EMB: variants seen among roughly 807,000 people sequenced by gnomAD.
EMB encodes embigin.
Under a neutral mutation model 41.4 loss-of-function variants are expected in EMB, and 31 were observed. The observed-to-expected ratio is 0.75, with a 90% CI of 0.56 to 1.01. The LOEUF is 1.01. EMB is among the 50% of genes least tolerant of loss of function. The probability of loss-of-function intolerance (pLI) is 0.00; values close to 1 mark genes in which losing one functional copy is unlikely to be tolerated. For synonymous variants in EMB, 137 were observed against 140.4 expected, an observed-to-expected ratio of 0.98 and a Z score of 0.17; for missense variants, 379 against 388.3, an observed-to-expected ratio of 0.98 and a Z score of 0.20.
Position 50,437,930 on chromosome 5 carries a change from T to C in EMB, c.112+3110A>G, listed in dbSNP as rs187022469. Among the ~76,000 whole-genome samples the C allele has an allele frequency of 6.1e-4, 93 of 152,332 alleles. 1 individual carries two copies. Among genetic ancestry groups the C allele is most frequent in the Admixed American group, 7.8e-4 (12 of 15,304 alleles). Reference sequence around the variant, plus strand: ...TGATATTTAAATACTCCCACTGATATATCCTTTACAAAGATATATTATATG... The same window carrying C: ...TGATATTTAAATACTCCCACTGATACATCCTTTACAAAGATATATTATATG... On this transcript the variant is annotated intron_variant, in intron 1 of 8. Coordinates refer to ENST00000303221, the MANE Select transcript of EMB (RefSeq NM_198449.3).
rs535607215 is a variant in EMB, at chr5:50,418,929, T to C, written c.197-7546A>G. On this transcript the variant is annotated intron_variant, in intron 2 of 8. Transcript: ENST00000303221. ...ATCAAGATTTACACTAGATACTTCA[T>C]CTATGCACTCCTTCCATTTTATTAA... is the stretch of plus-strand genomic sequence containing the variant. 1.7e-3 allele frequency among the ~76,000 whole-genome samples: 266 copies of C among 152,370 alleles called. 1 individual carries two copies. The highest frequency in any genetic ancestry group is 6.2e-3 in the African/African-American group (256 of 41,592).
At chr5:50,440,201 C>T (rs1399220134) in intron 1 of EMB, among the ~76,000 whole-genome samples, 1 of 152,022 alleles carries the variant, frequency 6.6e-6, no homozygotes, top group African/African-American at 2.4e-5. Flanking sequence ...CTTTGGTTGG[C>T]TAGTTGGTTA....
chr5:50,437,398 A>G (rs1358605579), intron 1 of EMB, among the ~76,000 whole-genome samples: 1 of 152,162 alleles, frequency 6.6e-6, no homozygotes, highest in African/African-American at 2.4e-5. Context: ...TCTCCACCAT[A>G]AAGTTACTCT....
At chr5:50,423,004 C>G (rs1184864799) in intron 2 of EMB, among the ~76,000 whole-genome samples, 1 of 151,358 alleles carries the variant, frequency 6.6e-6, no homozygotes, top group Non-Finnish European at 1.5e-5. Context: ...GTATCCCTTG[C>G]TACATGGTTT....
At chr5:50,428,574 G>T (rs915023514) in intron 1 of EMB, 22 of 993,416 alleles carry the variant, frequency 2.2e-5, no homozygotes, top group Middle Eastern at 5.1e-4. Flanking sequence ...CCAGAAAATG[G>T]AAAGATATGA....
upstream of EMB, among the ~76,000 whole-genome samples, chr5:50,441,946 T>A (rs1745922117): frequency 6.6e-6 from 1 of 152,180 alleles, no homozygotes; most frequent in African/African-American, 2.4e-5. Flanking sequence ...ATCCGAACAC[T>A]CTTTAAGATA....
At chr5:50,405,131 T>A (rs1215266458) in intron 5 of EMB, among the ~76,000 whole-genome samples, 1 of 151,978 alleles carries the variant, frequency 6.6e-6, no homozygotes, top group African/African-American at 2.4e-5. Context: ...ATACTCATGT[T>A]TTTCTTAATA....
At chr5:50,415,958 ATAACT>A (rs1270140793) in intron 2 of EMB, among the ~76,000 whole-genome samples, 5 of 152,264 alleles carry the variant, frequency 3.3e-5, no homozygotes, top group African/African-American at 1.2e-4. Flanking sequence ...ATAGTTTTAC[ATAACT>A]TAAAGTGCAA....
intron 2 of EMB, 83 bp from the exon 3 acceptor site, chr5:50,411,466 G>C: frequency 1.2e-6 from 1 of 867,244 alleles, no homozygotes; most frequent in Non-Finnish European, 1.7e-6. Context: ...ATTAACAGCA[G>C]TGTTTCATTG....
At chr5:50,437,035 C>G (rs965123989) in intron 1 of EMB, among the ~76,000 whole-genome samples, 2 of 152,200 alleles carry the variant, frequency 1.3e-5, no homozygotes, top group African/African-American at 4.8e-5. Context: ...CTTTGGGAGG[C>G]TGAGGCAGGA....
chr5:50,419,603 C>CTACA (rs1396645226), intron 2 of EMB, among the ~76,000 whole-genome samples: 1 of 149,768 alleles, frequency 6.7e-6, no homozygotes, highest in Non-Finnish European at 1.5e-5. Flanking sequence ...AAAAGTGTTG[C>CTACA]TACAATTAGT....
chr5:50,428,208 TG>T lies in EMB; in HGVS notation c.131del (p.Pro44HisfsTer7). 1.2e-6 allele frequency: 2 copies of T among 1,611,826 alleles called. No homozygotes were observed. Among genetic ancestry groups the T allele is most frequent in the Non-Finnish European group, 1.7e-6 (2 of 1,178,142 alleles). On this transcript the variant is annotated frameshift_variant, in exon 2 of 9. Transcript: ENST00000303221. LOFTEE classifies it high-confidence loss of function. ...TTGCCATTATTTCTTCTCTGAGAGG[TG>T]GACTTGTAAAAGGCGAATCTATAAG... is the stretch of plus-strand genomic sequence containing the variant. ...GSAPDSPFTS[P>X]PLREEIMANN...
At chr5:50,408,971 T>TTCA (rs1458576966) in intron 4 of EMB, among the ~76,000 whole-genome samples, 3 of 152,120 alleles carry the variant, frequency 2.0e-5, no homozygotes, top group African/African-American at 7.2e-5. Context: ...CAAGATATAA[T>TTCA]ACATACTTAA....
intron 1 of EMB, among the ~76,000 whole-genome samples, chr5:50,431,994 T>G (rs1160112827): frequency 1.3e-5 from 2 of 152,218 alleles, no homozygotes; most frequent in Non-Finnish European, 2.9e-5. Context: ...ATTTATTCTA[T>G]TAACACTTTC....
intron 2 of EMB, among the ~76,000 whole-genome samples, chr5:50,418,331 C>A (rs564334074): frequency 1.7e-4 from 26 of 152,328 alleles, no homozygotes; most frequent in African/African-American, 6.0e-4. Flanking sequence ...CAACCAGAAT[C>A]CGAACACCCT....
chr5:50,410,931 A>G lies in EMB; in HGVS notation c.418T>C (p.Tyr140His). ...TTTTCCTCTCGAAAGAAACAAGAAT[A>G]ACTTCCCATTTGTTTGCTATTAATG... is the stretch of plus-strand genomic sequence containing the variant. ...TIINSKQMGSYSCFFREEKEQ... is the reference protein window; with the variant it reads ...TIINSKQMGSHSCFFREEKEQ... The change falls in exon 4 of 9, where the codon TAT (tyrosine) becomes CAT (histidine). Residue 140 changes from tyrosine (Y) to histidine (H), a missense_variant. Coordinates refer to ENST00000303221, the MANE Select transcript of EMB (RefSeq NM_198449.3). 1 of 1,606,720 alleles carries G rather than the reference A, an allele frequency of 6.2e-7. No individual in the cohort carries two copies.
At chr5:50,442,558 G>A (rs1579750857), upstream of EMB, among the ~76,000 whole-genome samples, 1 of 152,046 alleles carries the variant, frequency 6.6e-6, no homozygotes, top group East Asian at 1.9e-4. Flanking sequence ...ATCTGTGAAT[G>A]ACAAATCTCA....
At chr5:50,399,937 A>T (rs768902086) in intron 7 of EMB, 24 bp from the exon 8 acceptor site, 36 of 1,550,290 alleles carry the variant, frequency 2.3e-5, no homozygotes. Context: ...AAAAAAGAAA[A>T]TTACTAAATG....
At chr5:50,407,834 G>T (rs1304810352) in intron 4 of EMB, among the ~76,000 whole-genome samples, 1 of 151,962 alleles carries the variant, frequency 6.6e-6, no homozygotes, top group Non-Finnish European at 1.5e-5. Context: ...TGAAATTGCT[G>T]ATTCAGGCTA....
Sources: gnomAD v4.1 joint callset for allele counts (sites outside exome capture counted in the v4.1 genomes callset) on GRCh38, gnomAD v4.1.1 for gene constraint, MANE v1.5 for transcripts, NCBI Gene and HGNC (gene_info 2026-07-23, HGNC 2026-07-21) for gene names.